Variants in KIAA1549L observed in about 807,000 individuals in gnomAD.
The protein encoded by KIAA1549L is UPF0606 protein KIAA1549L.
KIAA1549L carries 88 observed loss-of-function variants against 160.7 expected under a neutral mutation model. The observed-to-expected ratio is 0.55, with a 90% CI of 0.46 to 0.65. The LOEUF (loss-of-function observed/expected upper bound fraction) is 0.65. Ranked by LOEUF, KIAA1549L falls within the 30% of genes least tolerant of loss-of-function variation. KIAA1549L has a pLI of 0.00. For missense variants in KIAA1549L, 2,258 were observed against 2,437.5 expected, an observed-to-expected ratio of 0.93 and a Z score of 1.55; for synonymous variants, 950 against 976.7, an observed-to-expected ratio of 0.97 and a Z score of 0.51.
At chr11:33,580,419 A>T (rs1455697224) in intron 10 of KIAA1549L, among the ~76,000 whole-genome samples, 1 of 151,864 alleles carries the variant, frequency 6.6e-6, no homozygotes, top group South Asian at 2.1e-4. Context: ...ACTAAAAATA[A>T]AAAAATTAGC....
At chr11:33,660,199 C>T (rs948747154) in intron 19 of KIAA1549L, among the ~76,000 whole-genome samples, 15 of 152,248 alleles carry the variant, frequency 9.9e-5, no homozygotes, top group Non-Finnish European at 1.5e-4. Flanking sequence ...GACTTTAGCC[C>T]ACTTGGCCTC....
intron 1 of KIAA1549L, among the ~76,000 whole-genome samples, chr11:33,431,262 C>T (rs998693102): frequency 2.6e-5 from 4 of 152,236 alleles, no homozygotes; most frequent in African/African-American, 9.6e-5. Context: ...AGCAAAGCTT[C>T]CACAGTGTGG....
At chr11:33,619,210 G>T (rs1355732526) in intron 16 of KIAA1549L, among the ~76,000 whole-genome samples, 1 of 152,156 alleles carries the variant, frequency 6.6e-6, no homozygotes, top group Non-Finnish European at 1.5e-5. Context: ...CAGATGAGGA[G>T]TTGCAATTTG....
intron 1 of KIAA1549L, among the ~76,000 whole-genome samples, chr11:33,379,712 G>A (rs1272869749): frequency 3.3e-5 from 5 of 152,128 alleles, no homozygotes; most frequent in Non-Finnish European, 7.4e-5. Flanking sequence ...TGGAAAATGG[G>A]GACAACAATA....
rs373174460 is a variant in KIAA1549L, at chr11:33,658,786, C to T, written c.5895C>T (p.Ala1965=). ...ACATCGGCAGCAAGACCAGAATGGC[C>T]GAGTCTACAGGGCCCGAGCCGGCCC... The part of the protein sequence containing the change: ...TSDIGSKTRM[A]ESTGPEPAQL... The change falls in exon 19 of 21, where the codon GCC becomes GCT. Residue 1965 remains alanine, a synonymous_variant. Transcript: ENST00000658780. The T allele has an allele frequency of 1.3e-5, 20 of 1,570,218 alleles. No individual in the cohort carries two copies. The African/African-American group carries it at 2.0e-4, about 16-fold the overall frequency.
chr11:33,393,885 A>G (rs565850140), intron 1 of KIAA1549L, among the ~76,000 whole-genome samples: 2 of 152,388 alleles, frequency 1.3e-5, no homozygotes, highest in African/African-American at 2.4e-5. Context: ...AATTGTGTAT[A>G]TAAAGGAAGG....
At chr11:33,586,914 G>C (rs1330116946) in intron 11 of KIAA1549L, among the ~76,000 whole-genome samples, 4 of 152,124 alleles carry the variant, frequency 2.6e-5, no homozygotes, top group African/African-American at 9.7e-5. Flanking sequence ...CTGTGCCATT[G>C]ATATCAAATG....
chr11:33,508,714 A>G (rs1170865928), intron 1 of KIAA1549L, among the ~76,000 whole-genome samples: 1 of 152,202 alleles, frequency 6.6e-6, no homozygotes, highest in African/African-American at 2.4e-5. Flanking sequence ...CATGAGAAGT[A>G]GGTACATTTA....
At chr11:33,606,383 G>T (rs746535478) in intron 13 of KIAA1549L, among the ~76,000 whole-genome samples, 5 of 152,074 alleles carry the variant, frequency 3.3e-5, no homozygotes, top group Non-Finnish European at 7.4e-5. Context: ...TTGAAAGAAT[G>T]GTTCTTACTG....
At chr11:33,468,865 A>T (rs1852116226) in intron 1 of KIAA1549L, among the ~76,000 whole-genome samples, 1 of 152,034 alleles carries the variant, frequency 6.6e-6, no homozygotes, top group African/African-American at 2.4e-5. Context: ...TATTTTTTTT[A>T]TGTTATAGAA....
intron 1 of KIAA1549L, among the ~76,000 whole-genome samples, chr11:33,534,159 T>C (rs1853839519): frequency 6.6e-6 from 1 of 152,154 alleles, no homozygotes. Context: ...CTTGGCTCAC[T>C]GCAACGTCTG....
At chr11:33,602,734 AAAAATCCCCAT>A (rs1850397140) in intron 13 of KIAA1549L, among the ~76,000 whole-genome samples, 3 of 152,248 alleles carry the variant, frequency 2.0e-5, no homozygotes, top group Non-Finnish European at 4.4e-5. Flanking sequence ...ATCATGCATT[AAAAATCCCCAT>A]GAACCTGCTG....
chr11:33,499,464 A>T (rs1395471914), intron 1 of KIAA1549L, among the ~76,000 whole-genome samples: 2 of 152,212 alleles, frequency 1.3e-5, no homozygotes, highest in East Asian at 3.8e-4. Flanking sequence ...AAAGTAGGGT[A>T]TGTATCTGTC....
rs541806560 is a variant in KIAA1549L, at chr11:33,568,183, C to A, written c.4186C>A (p.Arg1396=). The A allele has an allele frequency of 3.1e-6, 5 of 1,613,384 alleles. No individual in the cohort carries two copies. In the African/African-American group the frequency reaches 6.7e-5, roughly 22 times the overall value. The change falls in exon 9 of 21, where the codon CGG becomes AGG. Residue 1396 remains arginine, a synonymous_variant. Coordinates refer to ENST00000658780, the MANE Select transcript of KIAA1549L (RefSeq NM_012194.3). ...ATTCATGATGTCCCAGCAACAAGGC[C>A]GGCGGTTTAAACGGGCCACCACCCT... ...QLFMMSQQQG[R]RFKRATTLGS... is the part of the protein sequence containing the mutation.
chr11:33,463,838 G>T (rs1851989919), intron 1 of KIAA1549L, among the ~76,000 whole-genome samples: 1 of 152,186 alleles, frequency 6.6e-6, no homozygotes, highest in African/African-American at 2.4e-5. Context: ...TATTAACAAT[G>T]AATTTTTAAA....
rs572785318 is a variant in KIAA1549L, at chr11:33,540,094, C to G, written c.239-1708C>G. Among the ~76,000 whole-genome samples the G allele has an allele frequency of 9.2e-5, 14 of 152,302 alleles. No homozygotes were observed. The East Asian group carries it at 2.1e-3, about 23-fold the overall frequency. On this transcript the variant is annotated intron_variant, in intron 1 of 20. Coordinates refer to ENST00000658780, the MANE Select transcript of KIAA1549L (RefSeq NM_012194.3). ...TCAGTCTCTCTTGGCCGTGGTCATT[C>G]AGTCAGTTACAGATCCCTTGGTATT... is the stretch of plus-strand genomic sequence containing the variant.
chr11:33,633,862 G>A (rs1851369063), intron 16 of KIAA1549L, among the ~76,000 whole-genome samples: 1 of 152,180 alleles, frequency 6.6e-6, no homozygotes, highest in Admixed American at 6.5e-5. Flanking sequence ...GTTCTCATCT[G>A]TAAAATGGGG....
chr11:33,542,923 C>T lies in KIAA1549L; in HGVS notation c.1360C>T (p.Pro454Ser), dbSNP rs1392363801. 3.1e-6 allele frequency: 5 copies of T among 1,613,938 alleles called. No individual in the cohort carries two copies. Among genetic ancestry groups the T allele is most frequent in the South Asian group, 1.1e-5 (1 of 91,086 alleles). The change falls in exon 2 of 21, where the codon CCA (proline) becomes TCA (serine). Residue 454 changes from proline (P) to serine (S), a missense_variant. By Grantham distance (74) the Pro-to-Ser change is moderately conservative. This residue lies in a region of KIAA1549L where 540 missense variants were observed against 465.7 expected (regional missense o/e 1.16). Coordinates refer to ENST00000658780, the MANE Select transcript of KIAA1549L (RefSeq NM_012194.3). ...TAACCCGCTGCATTTGTCAGCAGCTCCAGAGAATTCCAGAGGGCCCGCCCT... is the reference window on the plus strand; with the variant it reads ...TAACCCGCTGCATTTGTCAGCAGCTTCAGAGAATTCCAGAGGGCCCGCCCT... ...SANPLHLSAA[P>S]ENSRGPALSA... is the part of the protein sequence containing the mutation.
intron 1 of KIAA1549L, among the ~76,000 whole-genome samples, chr11:33,444,741 A>G (rs1851576853): frequency 6.8e-6 from 1 of 147,812 alleles, no homozygotes; most frequent in Admixed American, 6.7e-5. Context: ...TCTGCAAAAA[A>G]GAGAGAAATT....
Sources: gnomAD v4.1 joint callset for allele counts (sites outside exome capture counted in the v4.1 genomes callset) on GRCh38, gnomAD v4.1.1 for gene constraint, gnomAD v4.1.1 regional missense constraint, MANE v1.5 for transcripts, NCBI Gene and HGNC (gene_info 2026-07-23, HGNC 2026-07-21) for gene names.